The following NEB variants were observed in gnomAD, a reference collection of about 807,000 sequenced individuals.
The protein encoded by NEB is nemaline myopathy type 2.
A neutral mutation model predicts 952.2 loss-of-function variants in NEB; 512 were observed. That is an observed-to-expected ratio of 0.54 (90% CI 0.50 to 0.58). NEB has a LOEUF of 0.58. NEB is among the 20% of genes least tolerant of loss of function. The probability of loss-of-function intolerance (pLI) is 0.00; values close to 1 mark genes in which losing one functional copy is unlikely to be tolerated. For synonymous variants in NEB, 2,900 were observed against 3,149.8 expected (o/e 0.92, Z 2.66); for missense variants, 8,428 against 9,231.1 (o/e 0.91, Z 3.56).
At chr2:151,511,018 G>T (rs1393430392) in intron 161 of NEB, among the ~76,000 whole-genome samples, 2 of 152,200 alleles carry the variant, frequency 1.3e-5, no homozygotes, top group Non-Finnish European at 1.5e-5. Context: ...TAACTTGCCT[G>T]GCTATATTTT....
At chr2:151,492,542 A>C in intron 176 of NEB, 48 bp from the exon 177 acceptor site, 1 of 1,388,442 alleles carries the variant, frequency 7.2e-7, no homozygotes, top group African/African-American at 1.4e-5. Context: ...TAAATCTGAA[A>C]CCTCAAAGCC....
At chr2:151,490,919 A>G (rs2055985688) in intron 179 of NEB, among the ~76,000 whole-genome samples, 1 of 152,232 alleles carries the variant, frequency 6.6e-6, no homozygotes, top group African/African-American at 2.4e-5. Flanking sequence ...GTGTTCCCAA[A>G]ATACCATGGG....
intron 124 of NEB, among the ~76,000 whole-genome samples, chr2:151,559,277 A>C (rs971462386): frequency 6.6e-6 from 1 of 152,216 alleles, no homozygotes; most frequent in South Asian, 2.1e-4. Context: ...TGATCATTAC[A>C]AAGTCAGGAA....
chr2:151,664,710 A>C, intron 43 of NEB, 49 bp downstream of exon 43: 1 of 1,537,014 alleles, frequency 6.5e-7, no homozygotes. Flanking sequence ...CATAAGTATC[A>C]GTTCCCTTTA....
chr2:151,551,866 G>C (rs763453299), intron 128 of NEB, 21 bp from the exon 129 acceptor site: 19 of 1,562,804 alleles, frequency 1.2e-5, no homozygotes, highest in Non-Finnish European at 1.5e-5. Context: ...AAGAAGCATT[G>C]TTAGAAGCAA....
At chr2:151,612,084 AT>A in intron 78 of NEB, 101 bp downstream of exon 78, 1 of 1,294,688 alleles carries the variant, frequency 7.7e-7, no homozygotes, top group East Asian at 2.4e-5. Context: ...AATCAGGCCT[AT>A]GACACCTCCT....
rs374484102 is a variant in NEB, at chr2:151,538,025, G to A, written c.20998-49C>T. On this transcript the variant is annotated intron_variant, in intron 139 of 181. Transcript: ENST00000397345. ...GCTGTAAGTCTTACCCAAAGTTAAT[G>A]TAAATATGGCTTCTTTCTGGAGAAT... The A allele has an allele frequency of 8.1e-4, 1,244 of 1,542,574 alleles. 1 individual carries two copies. The highest frequency in any genetic ancestry group is 1.0e-3 in the Non-Finnish European group (1,122 of 1,118,258).
chr2:151,728,322 C>T (rs2099797024), intron 4 of NEB, among the ~76,000 whole-genome samples: 1 of 152,138 alleles, frequency 6.6e-6, no homozygotes, highest in Non-Finnish European at 1.5e-5. Context: ...AAACAAAGCT[C>T]AAATTCTTGA....
At chr2:151,691,355 C>G (rs777435136) in intron 23 of NEB, among the ~76,000 whole-genome samples, 2 of 152,192 alleles carry the variant, frequency 1.3e-5, no homozygotes, top group Non-Finnish European at 2.9e-5. Flanking sequence ...GACGCCCATC[C>G]AGTCACTGTC....
At chr2:151,630,039 C>T (rs919979750) in intron 67 of NEB, among the ~76,000 whole-genome samples, 20 of 151,504 alleles carry the variant, frequency 1.3e-4, no homozygotes, top group Admixed American at 6.6e-4. Context: ...TCTATCTATA[C>T]GTATAAAAAT....
intron 167 of NEB, among the ~76,000 whole-genome samples, chr2:151,501,738 T>C (rs945906848): frequency 6.6e-6 from 1 of 152,064 alleles, no homozygotes; most frequent in East Asian, 1.9e-4. Context: ...TATGTAGGCC[T>C]TCTCTCAAAG....
At chr2:151,619,379 G>T in intron 73 of NEB, 72 bp downstream of exon 73, 2 of 1,393,882 alleles carry the variant, frequency 1.4e-6, no homozygotes, top group Non-Finnish European at 2.0e-6. Flanking sequence ...CAGTTCATTG[G>T]CACTAGTCAG....
At position 151,620,345 on chromosome 2, in the gene NEB, G is replaced by GTATATATATATA. The variant is rs775274994; in HGVS notation, c.10560+573_10560+574insTATATATATATA. ...TTTTATTATATATATATGTATGTGT[G>GTATATATATATA]TGTATATATATATATATATATATAT... On this transcript the variant is annotated intron_variant, in intron 72 of 181. Coordinates refer to ENST00000397345, the MANE Select transcript of NEB (RefSeq NM_001164508.2). Among the ~76,000 whole-genome samples the GTATATATATATA allele has an allele frequency of 7.4e-4, 65 of 87,820 alleles. 1 individual carries two copies. The highest frequency in any genetic ancestry group is 1.1e-3 in the Non-Finnish European group (51 of 46,324). The allele number at this position is 87,820 out of a possible 152,430, so 57.6% of individuals were successfully genotyped here. A position where few individuals can be genotyped will look rare whatever the true frequency, so the allele number is the denominator to read the frequency against.
At chr2:151,702,241 T>C (rs1476158056) in intron 13 of NEB, among the ~76,000 whole-genome samples, 2 of 151,942 alleles carry the variant, frequency 1.3e-5, no homozygotes, top group African/African-American at 4.8e-5. Context: ...TAGTTTGTTA[T>C]AATGTCTGTT....
chr2:151,617,579 A>G (rs936773440), intron 74 of NEB, 111 bp from the exon 75 acceptor site: 1 of 617,280 alleles, frequency 1.6e-6, no homozygotes, highest in Non-Finnish European at 2.6e-6. Flanking sequence ...CAAGGTAGAA[A>G]TAAAATTATT....
Position 151,663,760 on chromosome 2 carries a change from T to C in NEB, c.5551A>G (p.Lys1851Glu), listed in dbSNP as rs746409256. ...PKLVHFMQVAKMQSDREYKKG... is the reference protein window; with the variant it reads ...PKLVHFMQVAEMQSDREYKKG... ...TTGTATTCCCGGTCTGACTGCATCT[T>C]GGCCACTTGCATGAAGTGCACCAGC... Residue 1851 changes from lysine to glutamate, a missense_variant, in exon 45 of 182, where the codon AAG becomes GAG. Lys to Glu is a moderately conservative substitution (Grantham distance 56). Around this residue, in one of 11 missense-constraint regions of NEB, gnomAD observed 2,851 missense variants for 2,791.5 expected, o/e 1.02. Transcript: ENST00000397345. 10 of 1,613,864 alleles carry C rather than the reference T, an allele frequency of 6.2e-6. No individual in the cohort carries two copies. In the African/African-American group the frequency reaches 1.3e-4, roughly 22 times the overall value.
At chr2:151,730,511 T>A (rs2099803886) in intron 3 of NEB, among the ~76,000 whole-genome samples, 1 of 150,918 alleles carries the variant, frequency 6.6e-6, no homozygotes, top group Non-Finnish European at 1.5e-5. Context: ...AGGAATCCTG[T>A]CCTTAGCCTC....
chr2:151,538,192 T>A lies in NEB; in HGVS notation c.20945A>T (p.Lys6982Ile), dbSNP rs776012642. 70 of 1,613,316 alleles carry A rather than the reference T, an allele frequency of 4.3e-5. No individual in the cohort carries two copies. Among genetic ancestry groups the A allele is most frequent in the Non-Finnish European group, 5.5e-5 (65 of 1,179,434 alleles). The stretch of plus-strand genomic sequence containing the variant: ...ATGATAGACAATGTCTAGGGCATCT[T>A]TCACCGTGTGGTATTTCCCTTTGGT... ...QKTKGKYHTVKDALDIVYHRK... is the reference protein window; with the variant it reads ...QKTKGKYHTVIDALDIVYHRK... Residue 6982 changes from lysine (K) to isoleucine (I), a missense_variant, in exon 139 of 182, where the codon AAA becomes ATA. Physicochemically the swap from Lys to Ile is moderately radical, Grantham distance 102 (BLOSUM62 -3). Transcript: ENST00000397345.
At chr2:151,628,035 CATAA>C (rs1328729278) in intron 68 of NEB, among the ~76,000 whole-genome samples, 4 of 152,122 alleles carry the variant, frequency 2.6e-5, no homozygotes, top group Admixed American at 6.5e-5. Context: ...TGCGAAGTCT[CATAA>C]ATAGTCTAAC....
Sources: gnomAD v4.1 joint callset for allele counts (sites outside exome capture counted in the v4.1 genomes callset) on GRCh38, gnomAD v4.1.1 for gene constraint, gnomAD v4.1.1 regional missense constraint, MANE v1.5 for transcripts, NCBI Gene and HGNC (gene_info 2026-07-23, HGNC 2026-07-21) for gene names.